Variants in REST observed in about 807,000 individuals in gnomAD.
REST encodes RE1 silencing transcription factor, also known as RE1-silencing transcription factor.
Under a neutral mutation model 30.4 loss-of-function variants are expected in REST, and 1 was observed. That is an observed-to-expected ratio of 0.03 (90% confidence interval 0.01 to 0.16). The LOEUF (loss-of-function observed/expected upper bound fraction) is 0.16, where lower values mean the gene tolerates loss of function less well. Ranked by LOEUF, REST falls within the 10% of genes least tolerant of loss-of-function variation. REST has a pLI of 1.00. For synonymous variants in REST, 504 were observed against 451.1 expected (o/e 1.12, Z -1.49); for missense variants, 1,259 against 1,329.5 (o/e 0.95, Z 0.82).
At position 56,908,026 on chromosome 4, in the gene REST, G is replaced by A. The variant is rs1719699897; in HGVS notation, c.-197G>A. ...GGCGGCTGCCGCAGCCGAGACGGCAGGGCGAGGCCCGGAGGCCTGAGCACC... is the reference window on the plus strand; with the variant it reads ...GGCGGCTGCCGCAGCCGAGACGGCAAGGCGAGGCCCGGAGGCCTGAGCACC... On this transcript the variant is annotated 5_prime_UTR_variant, in exon 1 of 4. Coordinates refer to ENST00000309042, the MANE Select transcript of REST (RefSeq NM_005612.5). 2 of 366,512 alleles carry A rather than the reference G, an allele frequency of 5.5e-6. No homozygotes were observed. The highest frequency in any genetic ancestry group is 1.3e-4 in the South Asian group (1 of 7,542). The allele number at this position is 366,512 out of a possible 1,614,324, so 22.7% of individuals were successfully genotyped here. A position where few individuals can be genotyped will look rare whatever the true frequency, so the allele number is the denominator to read the frequency against.
At position 56,912,173 on chromosome 4, in the gene REST, C is replaced by CA. The variant is rs1214977481; in HGVS notation, c.898+643dup. ...AAATGGAACAACTTGTCTTTGTCCACAAAAAAGAAATGTGAGAAGGTAGTT... is the reference window on the plus strand; with the variant it reads ...AAATGGAACAACTTGTCTTTGTCCACAAAAAAAGAAATGTGAGAAGGTAGTT... On this transcript the variant is annotated intron_variant, in intron 2 of 3. Transcript: ENST00000309042. Among the ~76,000 whole-genome samples, 10 of 151,986 alleles carry CA rather than the reference C, an allele frequency of 6.6e-5. No individual in the cohort carries two copies. The East Asian group carries it at 1.7e-3, about 26-fold the overall frequency.
Position 56,910,837 on chromosome 4 carries a change from G to C in REST, c.199G>C (p.Val67Leu), listed in dbSNP as rs1331461971. The C allele has an allele frequency of 6.2e-7, 1 of 1,614,190 alleles. No homozygotes were observed. The highest frequency in any genetic ancestry group is 2.2e-5 in the East Asian group (1 of 44,894). ...EVNGSCCDYL[V>L]GEERQMAELM... ...AAATGGCAGCTGCTGTGATTACCTG[G>C]TCGGTGAAGAAAGACAGATGGCAGA... Residue 67 changes from valine to leucine, a missense_variant, in exon 2 of 4, where the codon GTC (valine) becomes CTC (leucine). Transcript: ENST00000309042.
intron 2 of REST, among the ~76,000 whole-genome samples, chr4:56,911,880 CG>C (rs1407157473): frequency 6.6e-6 from 1 of 152,022 alleles, no homozygotes; most frequent in African/African-American, 2.4e-5. Context: ...CCCAGCACCT[CG>C]GGAGGCCGAG....
chr4:56,925,810 A>G (rs1432837755), intron 3 of REST, among the ~76,000 whole-genome samples: 3 of 152,166 alleles, frequency 2.0e-5, no homozygotes, highest in Non-Finnish European at 4.4e-5. Context: ...GGAGCAAATA[A>G]ATCATGCCAT....
At chr4:56,929,208 C>A (rs1270025213) in intron 3 of REST, among the ~76,000 whole-genome samples, 1 of 151,972 alleles carries the variant, frequency 6.6e-6, no homozygotes, top group Admixed American at 6.6e-5. Flanking sequence ...GGTGGGATTA[C>A]TGGTGTGCAA....
chr4:56,931,434 A>C lies in REST; in HGVS notation c.2576A>C (p.Asp859Ala). 1 of 1,614,218 alleles carries C rather than the reference A, an allele frequency of 6.2e-7. No homozygotes were observed. Among genetic ancestry groups the C allele is most frequent in the Non-Finnish European group, 8.5e-7 (1 of 1,180,036 alleles). Residue 859 changes from aspartate to alanine, a missense_variant, in exon 4 of 4, where the codon GAT (aspartate) becomes GCT (alanine). Asp to Ala is a moderately radical substitution (Grantham distance 126). This residue lies in a region of REST where 856 missense variants were observed against 772.8 expected (regional missense o/e 1.11). Transcript: ENST00000309042. ...WLLKESVSTE[D>A]LSPPSPPLPK... ...CTAAAGGAAAGTGTAAGCACAGAGG[A>C]TCTCTCACCACCATCACCACCACTG...
In REST at chr4:56,930,525, A is replaced by C; in HGVS notation, c.1667A>C (p.Gln556Pro). Residue 556 changes from glutamine (Q) to proline (P), a missense_variant, in exon 4 of 4, where the codon CAG (glutamine) becomes CCG (proline). Physicochemically the swap from Gln to Pro is moderately conservative, Grantham distance 76. Around this residue, in one of 5 missense-constraint regions of REST, gnomAD observed 856 missense variants for 772.8 expected, o/e 1.11. Coordinates refer to ENST00000309042, the MANE Select transcript of REST (RefSeq NM_005612.5). Reference sequence around the variant, plus strand: ...GAAAGCAAATCCAAAAATAATAGTCAGGAAGTGCCAAAGGGTGACAGCAAA... The same window carrying C: ...GAAAGCAAATCCAAAAATAATAGTCCGGAAGTGCCAAAGGGTGACAGCAAA... The part of the protein sequence containing the change: ...KVESKSKNNS[Q>P]EVPKGDSKVE... The C allele has an allele frequency of 6.2e-7, 1 of 1,611,166 alleles. No homozygotes were observed. Among genetic ancestry groups the C allele is most frequent in the South Asian group, 1.1e-5 (1 of 90,340 alleles).
In REST at chr4:56,933,800, G is replaced by A. The variant is rs1033864930; in HGVS notation, c.*1648G>A. 1.3e-5 allele frequency: 2 copies of A among 152,118 alleles called. No individual in the cohort carries two copies. The highest frequency in any genetic ancestry group is 4.8e-5 in the African/African-American group (2 of 41,438). The allele number at this position is 152,118 out of a possible 1,614,324, so 9.4% of individuals were successfully genotyped here. A position where few individuals can be genotyped will look rare whatever the true frequency, so the allele number is the denominator to read the frequency against. Reference sequence around the variant, plus strand: ...TAAAATAAAATATGATCCCATTAGGGAATCTTGAATTCTGACCTCCCATAC... The same window carrying A: ...TAAAATAAAATATGATCCCATTAGGAAATCTTGAATTCTGACCTCCCATAC... On this transcript the variant is annotated 3_prime_UTR_variant, in exon 4 of 4. Coordinates refer to ENST00000309042, the MANE Select transcript of REST (RefSeq NM_005612.5).
Position 56,932,343 on chromosome 4 carries a change from G to T in REST, c.*191G>T. The T allele has an allele frequency of 1.7e-6, 1 of 602,720 alleles. No homozygotes were observed. The highest frequency in any genetic ancestry group is 2.4e-5 in the South Asian group (1 of 42,166). 37.3% of individuals were successfully genotyped at this position (602,720 alleles called of 1,614,324 possible). A position where few individuals can be genotyped will look rare whatever the true frequency, so the allele number is the denominator to read the frequency against. On this transcript the variant is annotated 3_prime_UTR_variant, in exon 4 of 4. Transcript: ENST00000309042. ...TGTGTAAATTTTAGTAAATCTAAGA[G>T]AGTGTACTAAACCAGCAGGTATCTG... is the stretch of plus-strand genomic sequence containing the variant.
intron 2 of REST, among the ~76,000 whole-genome samples, chr4:56,919,018 C>T (rs1340066701): frequency 6.6e-6 from 1 of 150,826 alleles, no homozygotes; most frequent in African/African-American, 2.4e-5. Context: ...TGAAGTCTCA[C>T]TCAGCCTCCC....
rs1251353844 is a variant in REST, at chr4:56,933,090, CTTAT to C, written c.*945_*948del. On this transcript the variant is annotated 3_prime_UTR_variant, in exon 4 of 4. Transcript: ENST00000309042. ...ATGCCAGAATCTGTATTTCATATAA[CTTAT>C]TTATTTCGAATGGATGTAGTAAATT... 2 of 152,220 alleles carry C rather than the reference CTTAT, an allele frequency of 1.3e-5. No individual in the cohort carries two copies. Among genetic ancestry groups the C allele is most frequent in the South Asian group, 2.1e-4 (1 of 4,824 alleles). 9.4% of individuals were successfully genotyped at this position (152,220 alleles called of 1,614,324 possible).
chr4:56,924,145 A>C (rs1720575727), intron 3 of REST, among the ~76,000 whole-genome samples: 1 of 152,188 alleles, frequency 6.6e-6, no homozygotes, highest in Admixed American at 6.6e-5. Context: ...GGTTTGAGTC[A>C]CTGTGCCCAG....
In REST at chr4:56,930,929, A is replaced by C. The variant is rs770719504; in HGVS notation, c.2071A>C (p.Met691Leu). 1 of 1,613,790 alleles carries C rather than the reference A, an allele frequency of 6.2e-7. No homozygotes were observed. Among genetic ancestry groups the C allele is most frequent in the Non-Finnish European group, 8.5e-7 (1 of 1,179,734 alleles). Residue 691 changes from methionine to leucine, a missense_variant, in exon 4 of 4, where the codon ATG becomes CTG. Around this residue, in one of 5 missense-constraint regions of REST, gnomAD observed 856 missense variants for 772.8 expected, o/e 1.11. Transcript: ENST00000309042. ...VLAHMELPPP[M>L]ETAQTEVAQM... The stretch of plus-strand genomic sequence containing the variant: ...TGCTCACATGGAGCTGCCTCCTCCC[A>C]TGGAGACTGCTCAGACGGAGGTTGC...
At chr4:56,918,996 T>C (rs958036173) in intron 2 of REST, among the ~76,000 whole-genome samples, 1 of 151,688 alleles carries the variant, frequency 6.6e-6, no homozygotes, top group African/African-American at 2.4e-5. Context: ...TTTTTTTTTT[T>C]TTTAAACGAG....
At chr4:56,910,446 C>A (rs1013167568) in intron 1 of REST, among the ~76,000 whole-genome samples, 184 bp from the exon 2 acceptor site, 1 of 152,040 alleles carries the variant, frequency 6.6e-6, no homozygotes, top group Non-Finnish European at 1.5e-5. Flanking sequence ...TTGGTGATTG[C>A]AGTAGACTAT....
intron 2 of REST, among the ~76,000 whole-genome samples, chr4:56,917,776 G>A (rs756188493): frequency 2.1e-4 from 32 of 152,170 alleles, no homozygotes; most frequent in Non-Finnish European, 4.1e-4. Context: ...GTTTTGCCGG[G>A]TGTGGCGGCT....
chr4:56,931,495 C>G lies in REST; in HGVS notation c.2637C>G (p.Asp879Glu). Residue 879 changes from aspartate to glutamate, a missense_variant, in exon 4 of 4, where the codon GAC becomes GAG. Coordinates refer to ENST00000309042, the MANE Select transcript of REST (RefSeq NM_005612.5). ...ATTTAAGAGAAGAGGCATCAGGAGA[C>G]CAAAAATTACTCAACACAGGTGAAG... Reference protein sequence around the residue: ...KENLREEASGDQKLLNTGEGN... With the variant: ...KENLREEASGEQKLLNTGEGN... The G allele has an allele frequency of 6.2e-7, 1 of 1,614,068 alleles. No homozygotes were observed. Among genetic ancestry groups the G allele is most frequent in the South Asian group, 1.1e-5 (1 of 91,074 alleles).
At chr4:56,926,576 A>G (rs1203940553) in intron 3 of REST, among the ~76,000 whole-genome samples, 1 of 149,846 alleles carries the variant, frequency 6.7e-6, no homozygotes, top group East Asian at 2.0e-4. Flanking sequence ...GCCTCCCCAA[A>G]TTTTATATTT....
At chr4:56,926,766 A>G (rs1321285117) in intron 3 of REST, among the ~76,000 whole-genome samples, 2 of 151,992 alleles carry the variant, frequency 1.3e-5, no homozygotes, top group Non-Finnish European at 2.9e-5. Context: ...CATAGATTAG[A>G]TTATTTATAG....
Sources: gnomAD v4.1 joint callset for allele counts (sites outside exome capture counted in the v4.1 genomes callset) on GRCh38, gnomAD v4.1.1 for gene constraint, gnomAD v4.1.1 regional missense constraint, MANE v1.5 for transcripts, NCBI Gene and HGNC (gene_info 2026-07-23, HGNC 2026-07-21) for gene names.